SPRED1: variants seen among roughly 807,000 people sequenced by gnomAD.
SPRED1 encodes sprouty related EVH1 domain containing 1, also known as sprouty-related, EVH1 domain-containing protein 1.
Under a neutral mutation model 52.3 loss-of-function variants are expected in SPRED1, and 18 were observed. The ratio of observed to expected loss-of-function variants is 0.34; its 90% CI spans 0.24 to 0.51. SPRED1 has a LOEUF of 0.51. Ranked by LOEUF, SPRED1 falls within the 20% of genes least tolerant of loss-of-function variation. The probability of loss-of-function intolerance (pLI) is 0.97; values close to 1 mark genes in which losing one functional copy is unlikely to be tolerated. For missense variants in SPRED1, 485 were observed against 551.0 expected (o/e 0.88, Z 1.20); for synonymous variants, 155 against 179.7 (o/e 0.86, Z 1.10).
intron 2 of SPRED1, among the ~76,000 whole-genome samples, chr15:38,308,076 G>A (rs1330739760): frequency 6.6e-6 from 1 of 152,086 alleles, no homozygotes; most frequent in Non-Finnish European, 1.5e-5. Context: ...CTGTTGTCTT[G>A]AGATGTCCTT....
chr15:38,296,300 G>A (rs1002355349), intron 1 of SPRED1, among the ~76,000 whole-genome samples: 2 of 152,044 alleles, frequency 1.3e-5, no homozygotes, highest in African/African-American at 4.8e-5. Flanking sequence ...AACTACTAGG[G>A]CTTGTAAAAA....
intron 4 of SPRED1, among the ~76,000 whole-genome samples, chr15:38,336,669 C>A (rs1595754845): frequency 6.6e-6 from 1 of 151,568 alleles, no homozygotes; most frequent in African/African-American, 2.4e-5. Context: ...CTAAGTGAAG[C>A]AACTCAGGAA....
At chr15:38,265,661 A>C (rs910420065) in intron 1 of SPRED1, among the ~76,000 whole-genome samples, 5 of 152,096 alleles carry the variant, frequency 3.3e-5, no homozygotes, top group African/African-American at 1.2e-4. Context: ...TAGTTATAAA[A>C]GGAGTATATT....
At chr15:38,266,447 C>T (rs545274949) in intron 1 of SPRED1, among the ~76,000 whole-genome samples, 2 of 152,106 alleles carry the variant, frequency 1.3e-5, no homozygotes, top group Admixed American at 1.3e-4. Flanking sequence ...GGAGACCAGC[C>T]TGGGCAACAT....
intron 1 of SPRED1, among the ~76,000 whole-genome samples, chr15:38,282,948 T>A (rs1894722633): frequency 1.3e-5 from 2 of 152,104 alleles, no homozygotes; most frequent in African/African-American, 2.4e-5. Flanking sequence ...TTAAAAAGCT[T>A]CTTGTAAGTT....
At chr15:38,300,649 GT>G (rs1895133711) in intron 2 of SPRED1, among the ~76,000 whole-genome samples, 1 of 151,946 alleles carries the variant, frequency 6.6e-6, no homozygotes, top group Non-Finnish European at 1.5e-5. Context: ...CTACACTAAT[GT>G]TTTATGAGTT....
chr15:38,277,296 G>A (rs185026167), intron 1 of SPRED1, among the ~76,000 whole-genome samples: 2 of 152,178 alleles, frequency 1.3e-5, no homozygotes, highest in East Asian at 3.9e-4. Context: ...GTAGGCCCTG[G>A]TGTCTGTTCC....
At chr15:38,317,340 T>G (rs1477341796) in intron 2 of SPRED1, among the ~76,000 whole-genome samples, 2 of 152,014 alleles carry the variant, frequency 1.3e-5, no homozygotes, top group Non-Finnish European at 2.9e-5. Flanking sequence ...AGACAAGATG[T>G]TAATTGCCAT....
intron 1 of SPRED1, among the ~76,000 whole-genome samples, chr15:38,289,378 C>T (rs1306284497): frequency 6.7e-6 from 1 of 149,248 alleles, no homozygotes; most frequent in Non-Finnish European, 1.5e-5. Context: ...TCTTTTCTTA[C>T]TGATTTTTGG....
At chr15:38,312,235 GT>G (rs1895383935) in intron 2 of SPRED1, among the ~76,000 whole-genome samples, 1 of 152,080 alleles carries the variant, frequency 6.6e-6, no homozygotes, top group South Asian at 2.1e-4. Context: ...AACTGTTAAA[GT>G]CTTAGATCTT....
intron 4 of SPRED1, among the ~76,000 whole-genome samples, chr15:38,338,176 A>G (rs1595755801): frequency 6.6e-6 from 1 of 151,114 alleles, no homozygotes; most frequent in South Asian, 2.1e-4. Context: ...GCATCACTGC[A>G]CTCCAGCCTG....
intron 5 of SPRED1, among the ~76,000 whole-genome samples, chr15:38,342,309 A>G (rs1284808381): frequency 6.6e-6 from 1 of 152,004 alleles, no homozygotes; most frequent in African/African-American, 2.4e-5. Context: ...TCCTGTATTA[A>G]TGTTTTACAT....
At chr15:38,294,467 C>T (rs1020777719) in intron 1 of SPRED1, among the ~76,000 whole-genome samples, 36 of 152,096 alleles carry the variant, frequency 2.4e-4, no homozygotes, top group African/African-American at 8.2e-4. Flanking sequence ...GTAGTAGTTT[C>T]CTGTTGCTGA....
chr15:38,274,832 T>G (rs1012655390), intron 1 of SPRED1, among the ~76,000 whole-genome samples: 3 of 152,224 alleles, frequency 2.0e-5, no homozygotes, highest in African/African-American at 4.8e-5. Flanking sequence ...AAATTCAACT[T>G]ACATGTTTTT....
chr15:38,310,333 G>T (rs1344423557), intron 2 of SPRED1, among the ~76,000 whole-genome samples: 3 of 152,008 alleles, frequency 2.0e-5, no homozygotes, highest in Non-Finnish European at 4.4e-5. Flanking sequence ...AGAGACGGGG[G>T]TTTCACCATG....
chr15:38,332,230 GA>G (rs1378252378), intron 4 of SPRED1, among the ~76,000 whole-genome samples: 4 of 152,308 alleles, frequency 2.6e-5, no homozygotes, highest in African/African-American at 9.6e-5. Flanking sequence ...TAGGATTATG[GA>G]AATAATTTTT....
chr15:38,349,575 AG>A (rs760448920), intron 6 of SPRED1, 52 bp downstream of exon 6: 4 of 1,061,360 alleles, frequency 3.8e-6, no homozygotes, highest in Non-Finnish European at 2.6e-6. Flanking sequence ...ATTAATAGAT[AG>A]GTAAAGTTTT....
chr15:38,268,940 C>CTTTTTT (rs66775738), intron 1 of SPRED1, among the ~76,000 whole-genome samples: 2 of 121,862 alleles, frequency 1.6e-5, no homozygotes, highest in Non-Finnish European at 1.8e-5. Flanking sequence ...TAACTTTTTT[C>CTTTTTT]TTTTTTTTTT....
chr15:38,324,625 G>A (rs1048108790), intron 3 of SPRED1, 138 bp from the exon 4 acceptor site: 4 of 664,230 alleles, frequency 6.0e-6, no homozygotes, highest in African/African-American at 1.8e-5. Context: ...CAAGTGGCCA[G>A]TACCTTAATT....
Sources: allele counts gnomAD v4.1 joint callset (sites outside exome capture counted in the v4.1 genomes callset), GRCh38; gene constraint gnomAD v4.1.1; transcripts MANE v1.5; gene names NCBI Gene and HGNC (gene_info 2026-07-23, HGNC 2026-07-21).